Variants in XKRX observed in about 807,000 individuals in gnomAD.
XKRX encodes XK-related protein 2.
In XKRX, 11 loss-of-function variants were observed where a neutral mutation model predicts 22.4. That is an observed-to-expected ratio of 0.49 (90% CI 0.31 to 0.81). XKRX has a LOEUF of 0.81. Ranked by LOEUF, XKRX falls within the 40% of genes least tolerant of loss-of-function variation. The pLI, the probability that XKRX is intolerant of heterozygous loss-of-function variation, is 0.05. For synonymous variants in XKRX, 114 were observed against 132.2 expected, an observed-to-expected ratio of 0.86 and a Z score of 0.94; for missense variants, 320 against 336.5, an observed-to-expected ratio of 0.95 and a Z score of 0.38.
chrX:100,897,042 C>A, the XKRX span, among the ~76,000 whole-genome samples: 1 of 111,230 alleles, frequency 9.0e-6, no homozygotes, highest in Non-Finnish European at 1.9e-5. Flanking sequence ...AAATGAAGCA[C>A]AAAGAAATCT....
At chrX:100,931,468 C>T (rs963890559), upstream of XKRX, among the ~76,000 whole-genome samples, 1 of 111,300 alleles carries the variant, frequency 9.0e-6, no homozygotes, top group Non-Finnish European at 1.9e-5. Context: ...TTACAACCCC[C>T]TTCACCCTTT....
the XKRX span, among the ~76,000 whole-genome samples, chrX:100,898,597 C>CAA: frequency 1.6e-4 from 15 of 96,440 alleles, no homozygotes; most frequent in Admixed American, 1.0e-3. Flanking sequence ...ACAACAACAA[C>CAA]AAAAAAAAAA....
At chrX:100,957,109 A>C in the XKRX span, 5 of 1,159,367 alleles carry the variant, frequency 4.3e-6, no homozygotes, top group South Asian at 7.2e-5. Context: ...AGTCTTTACA[A>C]TCCTGCCATT....
chrX:100,936,712 A>G, the XKRX span, among the ~76,000 whole-genome samples: 91 of 110,017 alleles, frequency 8.3e-4, no homozygotes, highest in Non-Finnish European at 1.2e-3. Context: ...GAAACTTACA[A>G]TAATGGCAGA....
At chrX:100,918,887 G>A (rs963650915) in intron 2 of XKRX, among the ~76,000 whole-genome samples, 4 of 109,084 alleles carry the variant, frequency 3.7e-5, no homozygotes, top group African/African-American at 1.3e-4. Flanking sequence ...AGTATGGTAG[G>A]TGGGTTTACT....
chrX:100,951,461 G>C, the XKRX span, among the ~76,000 whole-genome samples: 1 of 100,323 alleles, frequency 1.0e-5, no homozygotes, highest in Non-Finnish European at 2.0e-5. Flanking sequence ...GGGTGGGGGG[G>C]AAGAAAAAGA....
intron 2 of XKRX, among the ~76,000 whole-genome samples, chrX:100,919,309 T>C (rs746247509): frequency 6.3e-5 from 7 of 111,947 alleles, no homozygotes; most frequent in African/African-American, 2.3e-4. Flanking sequence ...GATAGGCCTT[T>C]GTAAGAAAGG....
At chrX:100,951,148 C>T in the XKRX span, among the ~76,000 whole-genome samples, 6 of 102,335 alleles carry the variant, frequency 5.9e-5, no homozygotes, top group East Asian at 3.2e-4. Flanking sequence ...GCAGGAGAAT[C>T]GCTTGAACCC....
At chrX:100,951,234 CA>C in the XKRX span, among the ~76,000 whole-genome samples, 781 of 25,446 alleles carry the variant, frequency 0.031, 4 homozygotes, top group African/African-American at 0.094. Flanking sequence ...GGCTCCATCG[CA>C]AAAAAAAAAA....
the XKRX span, chrX:100,956,464 C>A: frequency 6.7e-6 from 2 of 297,311 alleles, no homozygotes; most frequent in Non-Finnish European, 1.2e-5. Context: ...CAAACCAAAC[C>A]AAAACTAAAC....
chrX:100,956,463 C>A, the XKRX span: 1 of 299,360 alleles, frequency 3.3e-6, no homozygotes, highest in East Asian at 7.3e-5. Flanking sequence ...CCAAACCAAA[C>A]CAAAACTAAA....
the XKRX span, among the ~76,000 whole-genome samples, chrX:100,898,623 G>A: frequency 9.2e-6 from 1 of 108,710 alleles, no homozygotes; most frequent in East Asian, 2.9e-4. Context: ...AGAAGGCCAT[G>A]CACATGCCCA....
In XKRX at chrX:100,914,805, T is replaced by C. The variant is rs1000450889; in HGVS notation, c.883A>G (p.Met295Val). The change falls in exon 3 of 3, where the codon ATG becomes GTG. Residue 295 changes from methionine (M) to valine (V), a missense_variant. Transcript: ENST00000372956. ...WIKFWRSGAQMPNNIEKNFSR... is the reference protein window; with the variant it reads ...WIKFWRSGAQVPNNIEKNFSR... ...AAGTTTTTCTCAATGTTATTGGGCA[T>C]CTGGGCACCACTTCTCCAGAACTTA... 3.3e-6 allele frequency: 4 copies of C among 1,209,735 alleles called. No homozygotes were observed. The African/African-American group carries it at 5.3e-5, about 16-fold the overall frequency.
At chrX:100,887,846 A>G in the XKRX span, 1 of 1,141,806 alleles carries the variant, frequency 8.8e-7, no homozygotes, top group Non-Finnish European at 1.2e-6. Flanking sequence ...AATTGCTTCC[A>G]TCATTACCAA....
chrX:100,917,290 G>GA (rs1216417296), intron 2 of XKRX, among the ~76,000 whole-genome samples: 1 of 108,876 alleles, frequency 9.2e-6, no homozygotes, highest in East Asian at 2.9e-4. Context: ...TTCTCAAAAA[G>GA]AAAAAAAATA....
intron 1 of XKRX, among the ~76,000 whole-genome samples, chrX:100,923,836 T>TG (rs2085485641): frequency 1.1e-5 from 1 of 87,629 alleles, no homozygotes; most frequent in Non-Finnish European, 2.3e-5. Flanking sequence ...TTTCTTTCTT[T>TG]CTTTTTTTTT....
chrX:100,928,262 G>A lies in XKRX; in HGVS notation c.43C>T (p.Pro15Ser). The change falls in exon 1 of 3, where the codon CCG becomes TCG. Residue 15 changes from proline (P) to serine (S), a missense_variant. By Grantham distance (74) the Pro-to-Ser change is moderately conservative. Coordinates refer to ENST00000372956, the MANE Select transcript of XKRX (RefSeq NM_212559.3). The part of the protein sequence containing the change: ...YEIPEEPNVD[P>S]VSSLEEDVIR... Reference sequence around the variant, plus strand: ...ACATCTTCCTCCAGAGATGAAACCGGATCCACATTTGGCTCCTCAGGAATT... The same window carrying A: ...ACATCTTCCTCCAGAGATGAAACCGAATCCACATTTGGCTCCTCAGGAATT... 8.3e-7 allele frequency: 1 copy of A among 1,211,315 alleles called. No individual in the cohort carries two copies. Among genetic ancestry groups the A allele is most frequent in the Non-Finnish European group, 1.1e-6 (1 of 895,457 alleles).
chrX:100,906,489 T>G, the XKRX span, among the ~76,000 whole-genome samples: 1 of 111,799 alleles, frequency 8.9e-6, no homozygotes, highest in East Asian at 2.8e-4. Flanking sequence ...TTTACAGAAT[T>G]GTAAAATCAC....
At chrX:100,917,661 G>GAAAGAAAGA (rs2085446990) in intron 2 of XKRX, among the ~76,000 whole-genome samples, 1 of 45,743 alleles carries the variant, frequency 2.2e-5, no homozygotes, top group Admixed American at 2.8e-4. Context: ...AAGAAAGAAA[G>GAAAGAAAGA]AAAGAAAGAA....
Sources: allele counts gnomAD v4.1 joint callset (sites outside exome capture counted in the v4.1 genomes callset), GRCh38; gene constraint gnomAD v4.1.1; transcripts MANE v1.5; gene names NCBI Gene and HGNC (gene_info 2026-07-23, HGNC 2026-07-21).